Variants in EVC observed in about 807,000 individuals in gnomAD.
EVC encodes evC complex member EVC.
In EVC, 116 loss-of-function variants were observed where a neutral mutation model predicts 118.9. The observed-to-expected ratio is 0.98, with a 90% CI of 0.84 to 1.14. The LOEUF is 1.14. Ranked by LOEUF, EVC falls within the 50% of genes most tolerant of loss-of-function variation. EVC has a pLI of 0.00. For missense variants in EVC, 1,401 were observed against 1,246.4 expected, an observed-to-expected ratio of 1.12 and a Z score of -1.87; for synonymous variants, 619 against 534.7, an observed-to-expected ratio of 1.16 and a Z score of -2.18.
chr4:5,820,151 G>A, the EVC span, among the ~76,000 whole-genome samples: 24 of 152,132 alleles, frequency 1.6e-4, no homozygotes, highest in Non-Finnish European at 2.9e-4. Context: ...TCTGTACAAT[G>A]GGGATAATAA....
rs572017689 is a variant in EVC, at chr4:5,759,685, C to G, written c.1563+3323C>G. On this transcript the variant is annotated intron_variant, in intron 11 of 20. Coordinates refer to ENST00000264956, the MANE Select transcript of EVC (RefSeq NM_153717.3). ...CACAATTACACAACCAGGCTGACAG[C>G]CTGAGTAAAACCCTATCAATGATTG... 2.6e-5 allele frequency among the ~76,000 whole-genome samples: 4 copies of G among 152,286 alleles called. No individual in the cohort carries two copies. The South Asian group carries it at 8.3e-4, about 32-fold the overall frequency.
In EVC at chr4:5,712,255, A is replaced by G. The variant is rs182194827; in HGVS notation, c.174+701A>G. Among the ~76,000 whole-genome samples, 7 of 152,368 alleles carry G rather than the reference A, an allele frequency of 4.6e-5. No homozygotes were observed. The South Asian group carries it at 6.2e-4, about 14-fold the overall frequency. On this transcript the variant is annotated intron_variant, in intron 1 of 20. Coordinates refer to ENST00000264956, the MANE Select transcript of EVC (RefSeq NM_153717.3). Reference sequence around the variant, plus strand: ...TAGACCCTCTCCCTAAATGATCTCAATGAATCTCCACAACAGTTTGTCTCT... The same window carrying G: ...TAGACCCTCTCCCTAAATGATCTCAGTGAATCTCCACAACAGTTTGTCTCT...
rs142579526 is a variant in EVC, at chr4:5,795,397, A to C, written c.1887-1625A>C. Among the ~76,000 whole-genome samples, 18 of 152,280 alleles carry C rather than the reference A, an allele frequency of 1.2e-4. 1 individual carries two copies. The East Asian group carries it at 3.3e-3, about 28-fold the overall frequency. ...CTGGGTGTGGTGGCTTACATCTGTAATCCCAGCACTTTGGGAGGCTGAGGT... is the reference window on the plus strand; with the variant it reads ...CTGGGTGTGGTGGCTTACATCTGTACTCCCAGCACTTTGGGAGGCTGAGGT... On this transcript the variant is annotated intron_variant, in intron 13 of 20. Transcript: ENST00000264956.
intron 11 of EVC, among the ~76,000 whole-genome samples, chr4:5,760,288 T>A (rs920904768): frequency 1.3e-5 from 2 of 152,076 alleles, no homozygotes; most frequent in Non-Finnish European, 2.9e-5. Context: ...TTGTCAATGA[T>A]GCCAAAATGA....
rs1735956373 is a variant in EVC, at chr4:5,783,577, C to A, written c.1589C>A (p.Thr530Asn). Residue 530 changes from threonine to asparagine, a missense_variant, in exon 12 of 21, where the codon ACT becomes AAT. Coordinates refer to ENST00000264956, the MANE Select transcript of EVC (RefSeq NM_153717.3). ...CQELYFSTVD[T>N]FQKFVDALFL... The stretch of plus-strand genomic sequence containing the variant: ...GAGCTGTACTTCAGCACCGTGGACA[C>A]TTTCCAGAAGTTCGTGGATGCCCTG... 1 of 1,614,162 alleles carries A rather than the reference C, an allele frequency of 6.2e-7. No homozygotes were observed. The highest frequency in any genetic ancestry group is 1.3e-5 in the African/African-American group (1 of 75,040).
Position 5,809,568 on chromosome 4 carries a change from C to T in EVC, c.2739C>T (p.Pro913=), listed in dbSNP as rs907113908. ...AGCTGGCAGCCTTGGCCCGAGTGCC[C>T]CTTGCTGAAAGCAAACTGTTGCCTG... ...ISELAALARV[P]LAESKLLPAK... The change falls in exon 19 of 21, where the codon CCC becomes CCT. Residue 913 remains proline (P), a synonymous_variant. Transcript: ENST00000264956. The T allele has an allele frequency of 2.5e-6, 4 of 1,614,202 alleles. No homozygotes were observed. Among genetic ancestry groups the T allele is most frequent in the Admixed American group, 3.3e-5 (2 of 60,012 alleles).
the EVC span, among the ~76,000 whole-genome samples, chr4:5,822,245 G>A: frequency 2.0e-5 from 3 of 152,188 alleles, no homozygotes; most frequent in Non-Finnish European, 4.4e-5. Context: ...CCCAACTTAC[G>A]GGTGAGCAAT....
At chr4:5,769,557 C>T (rs539453527) in intron 11 of EVC, among the ~76,000 whole-genome samples, 8 of 152,248 alleles carry the variant, frequency 5.3e-5, no homozygotes, top group South Asian at 2.1e-4. Context: ...CTCTGTGGCT[C>T]GGCACCTCAC....
At position 5,714,490 on chromosome 4, in the gene EVC, C is replaced by T. The variant is rs546921556; in HGVS notation, c.174+2936C>T. Among the ~76,000 whole-genome samples, 324 of 118,216 alleles carry T rather than the reference C, an allele frequency of 2.7e-3. No homozygotes were observed. In the Middle Eastern group the frequency reaches 0.038, roughly 14 times the overall value. 77.6% of individuals were successfully genotyped at this position (118,216 alleles called of 152,430 possible). On this transcript the variant is annotated intron_variant, in intron 1 of 20. Transcript: ENST00000264956. ...AAATAATGTGCCTATATTGCTGCTG[C>T]TTGCATTTTTTTTTTTTTTTTTTGG...
chr4:5,732,686 C>G lies in EVC; in HGVS notation c.618-665C>G, dbSNP rs114526854. 2.9e-3 allele frequency among the ~76,000 whole-genome samples: 445 copies of G among 152,282 alleles called. 1 individual carries two copies. Among genetic ancestry groups the G allele is most frequent in the Middle Eastern group, 6.8e-3 (2 of 294 alleles). ...GCATGAGAATGTCTCTGCTAAGGCACCGAGGAAAGGTGACACGTGATGATA... is the reference window on the plus strand; with the variant it reads ...GCATGAGAATGTCTCTGCTAAGGCAGCGAGGAAAGGTGACACGTGATGATA... On this transcript the variant is annotated intron_variant, in intron 4 of 20. Coordinates refer to ENST00000264956, the MANE Select transcript of EVC (RefSeq NM_153717.3).
rs979704481 is a variant in EVC at position 5,794,307 on chromosome 4, TTA to T, written c.1886+596_1886+597del. 6.4e-3 allele frequency among the ~76,000 whole-genome samples: 759 copies of T among 119,224 alleles called. 12 individuals are homozygous for T. The highest frequency in any genetic ancestry group is 0.024 in the African/African-American group (723 of 30,544). The allele number at this position is 119,224 out of a possible 152,430, so 78.2% of individuals were successfully genotyped here. On this transcript the variant is annotated intron_variant, in intron 13 of 20. Transcript: ENST00000264956. ...TATATATTTTTATATATTTATATTT[TTA>T]TATATTTATATATATTTATATATAT... is the stretch of plus-strand genomic sequence containing the variant.
chr4:5,725,555 A>G (rs1164237456), intron 2 of EVC, among the ~76,000 whole-genome samples: 3 of 152,110 alleles, frequency 2.0e-5, no homozygotes, highest in Admixed American at 1.3e-4. Context: ...TCCTTTGCCC[A>G]CTTTTTAATG....
chr4:5,827,733 G>GCACACA, the EVC span, among the ~76,000 whole-genome samples: 1,553 of 138,322 alleles, frequency 0.011, 27 homozygotes, highest in African/African-American at 0.041. Context: ...ATGTGCGCGT[G>GCACACA]CACACACACA....
chr4:5,711,405 A>T lies in EVC; in HGVS notation c.25A>T (p.Lys9Ter), dbSNP rs1425513399. The part of the protein sequence containing the change: MARGGAAC[K>*]SDARLLLGRD... ...GATGGCCCGCGGCGGGGCGGCCTGC[A>T]AGAGCGACGCGCGGCTGCTGCTGGG... Residue 9 changes from lysine to a stop codon, truncating the protein, a stop_gained, in exon 1 of 21, where the codon AAG (lysine) becomes TAG (stop). Coordinates refer to ENST00000264956, the MANE Select transcript of EVC (RefSeq NM_153717.3). LOFTEE classifies it high-confidence loss of function. 2 of 1,020,680 alleles carry T rather than the reference A, an allele frequency of 2.0e-6. No individual in the cohort carries two copies. Among genetic ancestry groups the T allele is most frequent in the South Asian group, 4.4e-5 (1 of 22,642 alleles). 63.2% of individuals were successfully genotyped at this position (1,020,680 alleles called of 1,614,324 possible). A position where few individuals can be genotyped will look rare whatever the true frequency, so the allele number is the denominator to read the frequency against.
At chr4:5,744,352 A>G (rs541076310) in intron 6 of EVC, among the ~76,000 whole-genome samples, 2 of 152,190 alleles carry the variant, frequency 1.3e-5, no homozygotes, top group African/African-American at 4.8e-5. Context: ...GTTTATATCA[A>G]TGTTATTTTT....
chr4:5,783,745 T>A lies in EVC; in HGVS notation c.1757T>A (p.Leu586His), dbSNP rs1344456682. 1 of 1,612,646 alleles carries A rather than the reference T, an allele frequency of 6.2e-7. No homozygotes were observed. The highest frequency in any genetic ancestry group is 2.2e-5 in the East Asian group (1 of 44,836). The change falls in exon 12 of 21, where the codon CTC becomes CAC. Residue 586 changes from leucine to histidine, a missense_variant. By Grantham distance (99) the Leu-to-His change is moderately conservative (BLOSUM62 -3). Transcript: ENST00000264956. ...CAGCAGTGGAAACTCTTCCAGGAGC[T>A]CCTAGAGCAAGACCAGCAGGTGCGG... ...RRQQWKLFQE[L>H]LEQDQQVWME... is the part of the protein sequence containing the mutation.
the EVC span, chr4:5,821,442 C>A: frequency 2.8e-6 from 1 of 361,748 alleles, no homozygotes; most frequent in South Asian, 6.6e-5. This position sits in a 1 kb window ranked among gnomAD's most constrained non-coding sequence, Gnocchi z 4.4. Context: ...CTCAGAGAAT[C>A]ATGGAGCCAG....
chr4:5,804,675 G>C, intron 16 of EVC, 55 bp from the exon 17 acceptor site: 1 of 1,529,280 alleles, frequency 6.5e-7, no homozygotes, highest in Non-Finnish European at 9.1e-7. Context: ...CCCCAGACCT[G>C]GCACAGTGGA....
chr4:5,723,258 C>T (rs1361793396), intron 2 of EVC, among the ~76,000 whole-genome samples: 4 of 150,430 alleles, frequency 2.7e-5, no homozygotes, highest in East Asian at 2.0e-4. Context: ...GGTGCGATCT[C>T]GGCTCCCTGC....
Sources: allele counts gnomAD v4.1 joint callset (sites outside exome capture counted in the v4.1 genomes callset), GRCh38; gene constraint gnomAD v4.1.1; non-coding constraint Gnocchi (gnomAD v3.1); transcripts MANE v1.5; gene names NCBI Gene and HGNC (gene_info 2026-07-23, HGNC 2026-07-21).